The following CNTN4 variants were observed in gnomAD, a reference collection of about 807,000 sequenced individuals.
CNTN4 encodes contactin-4.
CNTN4 carries 77 observed loss-of-function variants against 122.5 expected under a neutral mutation model. That is an observed-to-expected ratio of 0.63 (90% CI 0.52 to 0.76). The LOEUF is 0.76. CNTN4 is among the 30% of genes least tolerant of loss of function. The probability of loss-of-function intolerance (pLI) is 0.00; values close to 1 mark genes in which losing one functional copy is unlikely to be tolerated. For missense variants in CNTN4, 1,256 were observed against 1,259.1 expected, an observed-to-expected ratio of 1.00 and a Z score of 0.04; for synonymous variants, 512 against 447.0, an observed-to-expected ratio of 1.15 and a Z score of -1.83.
chr3:2,712,411 A>G (rs1257054519), intron 4 of CNTN4, among the ~76,000 whole-genome samples: 3 of 152,238 alleles, frequency 2.0e-5, no homozygotes, highest in Non-Finnish European at 2.9e-5. Context: ...AGTATAGAGG[A>G]GAAAAGGTAA....
rs563689877 is a variant in CNTN4, at chr3:2,548,486, G to A, written c.-88-22930G>A. 5.9e-5 allele frequency among the ~76,000 whole-genome samples: 9 copies of A among 152,226 alleles called. No individual in the cohort carries two copies. In the South Asian group the frequency reaches 1.2e-3, roughly 21 times the overall value. On this transcript the variant is annotated intron_variant, in intron 3 of 24. Coordinates refer to ENST00000418658, the MANE Select transcript of CNTN4 (RefSeq NM_175607.3). Reference sequence around the variant, plus strand: ...GTTCTTCAAAGATCACATGGTTGTAGATGTGTGGTATTATTTCTGAGGCCT... The same window carrying A: ...GTTCTTCAAAGATCACATGGTTGTAAATGTGTGGTATTATTTCTGAGGCCT...
In CNTN4 at chr3:3,034,488, A is replaced by T; in HGVS notation, c.1784-144A>T. ...CCCAGGAAAGTTCCAAGCACGTAGT[A>T]GGAGTTCAAAAAGGATTTGACAAGT... On this transcript the variant is annotated intron_variant, in intron 16 of 24. Coordinates refer to ENST00000418658, the MANE Select transcript of CNTN4 (RefSeq NM_175607.3). 4.6e-6 allele frequency: 4 copies of T among 866,274 alleles called. No individual in the cohort carries two copies. In the Admixed American group the frequency reaches 8.2e-5, roughly 18 times the overall value. The allele number at this position is 866,274 out of a possible 1,614,324, so 53.7% of individuals were successfully genotyped here.
At chr3:2,789,323 T>C (rs1008463533) in intron 6 of CNTN4, among the ~76,000 whole-genome samples, 2 of 152,226 alleles carry the variant, frequency 1.3e-5, no homozygotes, top group Non-Finnish European at 2.9e-5. Context: ...ATATGACACA[T>C]GTAAAGTGTG....
At chr3:2,950,311 G>A (rs143314481) in intron 13 of CNTN4, among the ~76,000 whole-genome samples, 1 of 152,328 alleles carries the variant, frequency 6.6e-6, no homozygotes, top group African/African-American at 2.4e-5. Context: ...TCTGGCATCT[G>A]CATCCTCCCA....
chr3:2,599,341 G>A (rs1334030301), intron 4 of CNTN4, among the ~76,000 whole-genome samples: 1 of 152,212 alleles, frequency 6.6e-6, no homozygotes, highest in East Asian at 1.9e-4. Flanking sequence ...TTTAAAACTA[G>A]TATATCTGAA....
intron 13 of CNTN4, among the ~76,000 whole-genome samples, chr3:2,974,921 G>C (rs1217146064): frequency 6.6e-6 from 1 of 152,008 alleles, no homozygotes; most frequent in Non-Finnish European, 1.5e-5. Flanking sequence ...TTTGTTTCTG[G>C]CATGGCCAAT....
intron 2 of CNTN4, among the ~76,000 whole-genome samples, chr3:2,198,333 A>AAC (rs1575063784): frequency 6.6e-6 from 1 of 151,428 alleles, no homozygotes; most frequent in East Asian, 2.0e-4. Flanking sequence ...TTAATGTTTG[A>AAC]ACAGAATTAC....
chr3:2,282,743 T>G (rs2041763868), intron 2 of CNTN4, among the ~76,000 whole-genome samples: 2 of 152,132 alleles, frequency 1.3e-5, no homozygotes, highest in East Asian at 3.8e-4. Flanking sequence ...TAGAAACAAC[T>G]CAAATGTTCA....
chr3:2,113,276 C>G (rs545133315), intron 2 of CNTN4, among the ~76,000 whole-genome samples: 1 of 152,084 alleles, frequency 6.6e-6, no homozygotes, highest in Non-Finnish European at 1.5e-5. Context: ...ATGTATGCTG[C>G]ATTTCATTGA....
intron 3 of CNTN4, among the ~76,000 whole-genome samples, chr3:2,485,863 C>G (rs1023288962): frequency 6.6e-6 from 1 of 152,108 alleles, no homozygotes; most frequent in East Asian, 1.9e-4. Context: ...TCGATCAGCT[C>G]TCTGTAAAAT....
chr3:2,653,490 T>C (rs910179376), intron 4 of CNTN4, among the ~76,000 whole-genome samples: 3 of 152,176 alleles, frequency 2.0e-5, no homozygotes, highest in Admixed American at 6.5e-5. Context: ...AAGTAAGGTA[T>C]CTAAGATCAC....
chr3:2,729,660 A>G (rs887401981), intron 4 of CNTN4, among the ~76,000 whole-genome samples: 2 of 152,060 alleles, frequency 1.3e-5, no homozygotes, highest in African/African-American at 4.8e-5. Context: ...CATGCCTGTA[A>G]TCCCGGCACT....
At chr3:2,942,242 G>A (rs1559697448) in intron 13 of CNTN4, among the ~76,000 whole-genome samples, 1 of 152,160 alleles carries the variant, frequency 6.6e-6, no homozygotes, top group African/African-American at 2.4e-5. Context: ...CAATAGTAAA[G>A]ATAAAAGTAA....
At chr3:2,513,493 G>T (rs776238898) in intron 3 of CNTN4, among the ~76,000 whole-genome samples, 1 of 151,708 alleles carries the variant, frequency 6.6e-6, no homozygotes, top group Non-Finnish European at 1.5e-5. Context: ...TTTGAGTTTC[G>T]ATTTCTTTTT....
intron 4 of CNTN4, among the ~76,000 whole-genome samples, chr3:2,643,209 T>C (rs1394610643): frequency 1.3e-5 from 2 of 152,216 alleles, no homozygotes; most frequent in African/African-American, 4.8e-5. Context: ...AGTCTCTCTC[T>C]GTCTCCCAAA....
chr3:2,454,843 G>A (rs896470533), intron 3 of CNTN4, among the ~76,000 whole-genome samples: 4 of 152,040 alleles, frequency 2.6e-5, no homozygotes, highest in African/African-American at 7.2e-5. Flanking sequence ...AAACTTTTTC[G>A]ATCACATTTA....
At chr3:2,823,075 C>T (rs1477699371) in intron 7 of CNTN4, among the ~76,000 whole-genome samples, 1 of 152,164 alleles carries the variant, frequency 6.6e-6, no homozygotes, top group Non-Finnish European at 1.5e-5. Context: ...TGATGAAATC[C>T]TTCCAATTTC....
intron 5 of CNTN4, among the ~76,000 whole-genome samples, chr3:2,741,336 A>G (rs763687820): frequency 5.3e-5 from 8 of 152,218 alleles, no homozygotes; most frequent in Non-Finnish European, 7.3e-5. Flanking sequence ...TCTTCACAGA[A>G]AAGGAGATAT....
At chr3:2,202,030 A>G (rs1288695861) in intron 2 of CNTN4, among the ~76,000 whole-genome samples, 1 of 152,144 alleles carries the variant, frequency 6.6e-6, no homozygotes, top group East Asian at 1.9e-4. Flanking sequence ...TCCAACTAGA[A>G]GACTGAAGCT....
Sources: gnomAD v4.1 joint callset for allele counts (sites outside exome capture counted in the v4.1 genomes callset) on GRCh38, gnomAD v4.1.1 for gene constraint, MANE v1.5 for transcripts, NCBI Gene and HGNC (gene_info 2026-07-23, HGNC 2026-07-21) for gene names.